Variants in CCDC92 observed in about 807,000 individuals in gnomAD.
CCDC92 encodes the protein coiled-coil domain-containing protein 92.
A neutral mutation model predicts 24.9 loss-of-function variants in CCDC92; 12 were observed. The ratio of observed to expected loss-of-function variants is 0.48; its 90% CI spans 0.31 to 0.78. The LOEUF is 0.78. CCDC92 is among the 30% of genes least tolerant of loss of function. CCDC92 has a pLI of 0.05. For synonymous variants in CCDC92, 193 were observed against 196.3 expected, an observed-to-expected ratio of 0.98 and a Z score of 0.14; for missense variants, 399 against 439.4, an observed-to-expected ratio of 0.91 and a Z score of 0.82.
At chr12:123,949,121 GGA>G (rs1955958262) in intron 1 of CCDC92, among the ~76,000 whole-genome samples, 1 of 152,210 alleles carries the variant, frequency 6.6e-6, no homozygotes, top group South Asian at 2.1e-4. Flanking sequence ...GCAGATGAAA[GGA>G]GAAAGGCAGG....
At chr12:123,963,552 A>G (rs758420569) in intron 1 of CCDC92, among the ~76,000 whole-genome samples, 9 of 152,220 alleles carry the variant, frequency 5.9e-5, no homozygotes, top group Non-Finnish European at 1.2e-4. Context: ...GCTTGGAAGA[A>G]AAAGGATTGC....
chr12:123,937,802 T>C lies in CCDC92; in HGVS notation c.252A>G (p.Leu84=), dbSNP rs543085766. 1.4e-5 allele frequency: 23 copies of C among 1,611,446 alleles called. No homozygotes were observed. The highest frequency in any genetic ancestry group is 1.9e-5 in the Non-Finnish European group (22 of 1,179,718). Residue 84 remains leucine (L), a synonymous_variant, in exon 5 of 5, where the codon TTA becomes TTG. Coordinates refer to ENST00000238156, the MANE Select transcript of CCDC92 (RefSeq NM_025140.3). This position sits in a 1 kb window ranked among gnomAD's most constrained non-coding sequence, Gnocchi z 8.4. Reference sequence around the variant, plus strand: ...CTTCCAGCTCTTCACATCTTTTCTTTAATTCACTGCTTTTAGAAGTCCCGT... The same window carrying C: ...CTTCCAGCTCTTCACATCTTTTCTTCAATTCACTGCTTTTAGAAGTCCCGT... ...TGDGTSKSSE[L]KKRCEELEAQ... is the part of the protein sequence containing the mutation.
chr12:123,947,800 G>A (rs754160812), intron 1 of CCDC92, among the ~76,000 whole-genome samples: 1 of 152,098 alleles, frequency 6.6e-6, no homozygotes, highest in Non-Finnish European at 1.5e-5. Context: ...GTGGCAACCC[G>A]CTCGGGTCCC....
At chr12:123,969,391 G>A (rs548671547) in intron 1 of CCDC92, among the ~76,000 whole-genome samples, 3 of 150,294 alleles carry the variant, frequency 2.0e-5, no homozygotes, top group South Asian at 2.1e-4. Flanking sequence ...AGTCATGTTT[G>A]AGTAATGAAA....
intron 1 of CCDC92, among the ~76,000 whole-genome samples, chr12:123,955,209 T>G (rs755227642): frequency 3.9e-5 from 6 of 152,218 alleles, no homozygotes; most frequent in Non-Finnish European, 5.9e-5. Context: ...AGCCAACAAT[T>G]TAAGGACACA....
chr12:123,939,397 G>A (rs935172417), intron 4 of CCDC92, among the ~76,000 whole-genome samples: 1 of 152,220 alleles, frequency 6.6e-6, no homozygotes, highest in Non-Finnish European at 1.5e-5. Context: ...CATGTTACAA[G>A]CTCGCTGCAG....
At chr12:123,944,106 C>T (rs1955773371) in intron 2 of CCDC92, 166 bp downstream of exon 2, 1 of 582,110 alleles carries the variant, frequency 1.7e-6, no homozygotes. Context: ...AAGCCCCCTG[C>T]ACTTCACAGC....
At chr12:123,943,324 C>A in intron 3 of CCDC92, 23 bp downstream of exon 3, 1 of 1,607,680 alleles carries the variant, frequency 6.2e-7, no homozygotes, top group Non-Finnish European at 8.5e-7. Context: ...CCCCCGCCTG[C>A]CCGGGCCTGC....
At chr12:123,942,715 G>A in intron 4 of CCDC92, 29 bp downstream of exon 4, 6 of 1,573,226 alleles carry the variant, frequency 3.8e-6, no homozygotes, top group Non-Finnish European at 5.3e-6. Flanking sequence ...GAAACCTACT[G>A]TCATTTACTT....
rs1594433750 is a variant in CCDC92, at chr12:123,935,797, A to C, written c.*1261T>G. 1 of 249,022 alleles carries C rather than the reference A, an allele frequency of 4.0e-6. No homozygotes were observed. Among genetic ancestry groups the C allele is most frequent in the Non-Finnish European group, 7.7e-6 (1 of 129,486 alleles). 15.4% of individuals were successfully genotyped at this position (249,022 alleles called of 1,614,324 possible). ...AGTGCCTGGCATACATAGCATTGGC[A>C]CAAGTGAGAATCCTAATGTAATTTC... On this transcript the variant is annotated 3_prime_UTR_variant, in exon 5 of 5. Coordinates refer to ENST00000238156, the MANE Select transcript of CCDC92 (RefSeq NM_025140.3).
At chr12:123,952,735 G>C (rs541768836) in intron 1 of CCDC92, among the ~76,000 whole-genome samples, 11 of 152,280 alleles carry the variant, frequency 7.2e-5, no homozygotes, top group African/African-American at 2.6e-4. Context: ...ACTCAACAAT[G>C]ACTCCAGGAA....
chr12:123,950,028 C>T (rs953822611), intron 1 of CCDC92, among the ~76,000 whole-genome samples: 2 of 152,234 alleles, frequency 1.3e-5, no homozygotes, highest in African/African-American at 4.8e-5. Context: ...ACGTTACTTA[C>T]ATCATTTGCT....
chr12:123,951,938 C>G (rs1158148700), intron 1 of CCDC92, among the ~76,000 whole-genome samples: 1 of 152,120 alleles, frequency 6.6e-6, no homozygotes, highest in Admixed American at 6.5e-5. Flanking sequence ...CCCTTTGTTT[C>G]AAGATTAAGA....
intron 1 of CCDC92, among the ~76,000 whole-genome samples, chr12:123,965,585 A>G (rs574693562): frequency 2.1e-4 from 32 of 152,176 alleles, no homozygotes; most frequent in Middle Eastern, 6.8e-3. Flanking sequence ...AACACGGTCA[A>G]GGTTATCTAT....
At position 123,936,741 on chromosome 12, in the gene CCDC92, T is replaced by TAGATCTC; in HGVS notation, c.*316_*317insGAGATCT. The TAGATCTC allele has an allele frequency of 2.1e-6, 1 of 485,800 alleles. No homozygotes were observed. Among genetic ancestry groups the TAGATCTC allele is most frequent in the South Asian group, 2.5e-5 (1 of 40,778 alleles). The allele number at this position is 485,800 out of a possible 1,614,324, so 30.1% of individuals were successfully genotyped here. Reference sequence around the variant, plus strand: ...AGAATGAATTAGGTGTGTGACTGTGTGGCATCGTGAACATCAGTAGTGACG... The same window carrying TAGATCTC: ...AGAATGAATTAGGTGTGTGACTGTGTAGATCTCGGCATCGTGAACATCAGTAGTGACG... On this transcript the variant is annotated 3_prime_UTR_variant, in exon 5 of 5. Transcript: ENST00000238156.
At chr12:123,954,707 T>C (rs748733679) in intron 1 of CCDC92, among the ~76,000 whole-genome samples, 1 of 152,208 alleles carries the variant, frequency 6.6e-6, no homozygotes, top group Non-Finnish European at 1.5e-5. Flanking sequence ...TGCCCACGGG[T>C]GTCTTTTAAC....
At chr12:123,949,970 T>G (rs1566161322) in intron 1 of CCDC92, among the ~76,000 whole-genome samples, 1 of 152,236 alleles carries the variant, frequency 6.6e-6, no homozygotes, top group Non-Finnish European at 1.5e-5. Context: ...CATGACGACA[T>G]AATTCTATCC....
In CCDC92 at chr12:123,936,064, G is replaced by C. The variant is rs1297518960; in HGVS notation, c.*994C>G. On this transcript the variant is annotated 3_prime_UTR_variant, in exon 5 of 5. Coordinates refer to ENST00000238156, the MANE Select transcript of CCDC92 (RefSeq NM_025140.3). ...CCCCAGCCTGCCTGGGTCTGTGTGG[G>C]GTCAGGTAAGGACACAGAACCTCCA... 1 of 152,814 alleles carries C rather than the reference G, an allele frequency of 6.5e-6. No individual in the cohort carries two copies. The highest frequency in any genetic ancestry group is 2.4e-5 in the African/African-American group (1 of 41,448). The allele number at this position is 152,814 out of a possible 1,614,324, so 9.5% of individuals were successfully genotyped here.
chr12:123,938,653 C>T (rs1365448080), intron 4 of CCDC92, among the ~76,000 whole-genome samples: 1 of 152,180 alleles, frequency 6.6e-6, no homozygotes, highest in African/African-American at 2.4e-5. Flanking sequence ...TTGCCTGGCC[C>T]CTGGGAAGTT....
Sources: gnomAD v4.1 joint callset for allele counts (sites outside exome capture counted in the v4.1 genomes callset) on GRCh38, gnomAD v4.1.1 for gene constraint, Gnocchi (gnomAD v3.1) non-coding constraint, MANE v1.5 for transcripts, NCBI Gene and HGNC (gene_info 2026-07-23, HGNC 2026-07-21) for gene names.